PLCE1: variants seen among roughly 807,000 people sequenced by gnomAD.
The protein encoded by PLCE1 is phospholipase C epsilon 1.
Under a neutral mutation model 242.8 loss-of-function variants are expected in PLCE1, and 119 were observed. That is an observed-to-expected ratio of 0.49 (90% CI 0.42 to 0.57). The LOEUF (loss-of-function observed/expected upper bound fraction) is 0.57. Among genes scored for constraint, PLCE1 ranks in the 20% least tolerant of loss-of-function variants. The probability of loss-of-function intolerance (pLI) is 0.00; values close to 1 mark genes in which losing one functional copy is unlikely to be tolerated. For synonymous variants in PLCE1, 945 were observed against 1,017.4 expected, an observed-to-expected ratio of 0.93 and a Z score of 1.35; for missense variants, 2,441 against 2,788.8, an observed-to-expected ratio of 0.88 and a Z score of 2.81.
Position 94,208,739 on chromosome 10 carries a change from A to G in PLCE1, c.1810-18567A>G, listed in dbSNP as rs189139788. On this transcript the variant is annotated intron_variant, in intron 4 of 32. Coordinates refer to ENST00000371380, the MANE Select transcript of PLCE1 (RefSeq NM_016341.4). ...TAGACACTAAACTGTGGAGTCTACAATAGGATATTCTGAAGAAACTCTCCC... is the reference window on the plus strand; with the variant it reads ...TAGACACTAAACTGTGGAGTCTACAGTAGGATATTCTGAAGAAACTCTCCC... Among the ~76,000 whole-genome samples the G allele has an allele frequency of 2.0e-4, 30 of 152,318 alleles. No homozygotes were observed. The East Asian group carries it at 5.6e-3, about 28-fold the overall frequency.
intron 7 of PLCE1, among the ~76,000 whole-genome samples, chr10:94,241,544 C>T (rs1331320052): frequency 6.6e-6 from 1 of 152,180 alleles, no homozygotes; most frequent in Non-Finnish European, 1.5e-5. Flanking sequence ...GTAATCCCAG[C>T]ACTTTGGGAG....
At chr10:94,209,630 T>G (rs952408009) in intron 4 of PLCE1, among the ~76,000 whole-genome samples, 1 of 152,156 alleles carries the variant, frequency 6.6e-6, no homozygotes, top group African/African-American at 2.4e-5. Flanking sequence ...TATGAATGAA[T>G]ATAAGAAATA....
At chr10:94,046,264 C>G (rs1324214557) in intron 2 of PLCE1, among the ~76,000 whole-genome samples, 1 of 152,180 alleles carries the variant, frequency 6.6e-6, no homozygotes, top group Non-Finnish European at 1.5e-5. Context: ...TACAGAGCAG[C>G]CATGGGGTCC....
chr10:94,066,423 C>T (rs552897963), intron 2 of PLCE1, among the ~76,000 whole-genome samples: 1 of 152,196 alleles, frequency 6.6e-6, no homozygotes, highest in Admixed American at 6.5e-5. Flanking sequence ...ACTACAAGAC[C>T]TATAGTCACA....
At chr10:94,295,905 A>G (rs2133488229) in intron 23 of PLCE1, among the ~76,000 whole-genome samples, 1 of 152,298 alleles carries the variant, frequency 6.6e-6, no homozygotes, top group South Asian at 2.1e-4. Flanking sequence ...GGATTTTCAG[A>G]ATGGTCCATG....
intron 4 of PLCE1, among the ~76,000 whole-genome samples, chr10:94,196,432 G>A (rs902190603): frequency 5.3e-5 from 8 of 152,114 alleles, no homozygotes; most frequent in Admixed American, 3.3e-4. Flanking sequence ...GAGAAGCTCC[G>A]AGGGGAAGAG....
intron 27 of PLCE1, among the ~76,000 whole-genome samples, chr10:94,312,358 G>A (rs2133722695): frequency 6.6e-6 from 1 of 152,308 alleles, no homozygotes; most frequent in East Asian, 1.9e-4. Context: ...GAATGGCTGT[G>A]CTTTTGCCTG....
chr10:94,237,079 T>C (rs981069768), intron 7 of PLCE1, among the ~76,000 whole-genome samples: 3 of 152,222 alleles, frequency 2.0e-5, no homozygotes, highest in South Asian at 2.1e-4. Flanking sequence ...TCACAATTCA[T>C]TATAAGTTTC....
chr10:94,246,117 G>A lies in PLCE1; in HGVS notation c.2592G>A (p.Gly864=), dbSNP rs879368807. 6.2e-7 allele frequency: 1 copy of A among 1,614,068 alleles called. No homozygotes were observed. Among genetic ancestry groups the A allele is most frequent in the Non-Finnish European group, 8.5e-7 (1 of 1,180,006 alleles). The change falls in exon 8 of 33, where the codon GGG becomes GGA. Residue 864 remains glycine (G), a synonymous_variant. Transcript: ENST00000371380. The part of the protein sequence containing the change: ...QADVHQFLLQ[G]ATVIHYDQDT... ...ATGTGCACCAGTTCCTGCTGCAGGG[G>A]GCCACGGTCATCCACTACGACCAGG...
chr10:94,244,351 T>G (rs958690216), intron 7 of PLCE1, among the ~76,000 whole-genome samples: 3 of 152,184 alleles, frequency 2.0e-5, no homozygotes, highest in African/African-American at 7.2e-5. Context: ...ACAATTTTAC[T>G]CACCACTTTG....
chr10:94,160,790 G>C (rs2047586298), intron 3 of PLCE1, among the ~76,000 whole-genome samples: 1 of 152,208 alleles, frequency 6.6e-6, no homozygotes, highest in Admixed American at 6.5e-5. Flanking sequence ...CGTATAAGGT[G>C]TAAGGAAGGC....
chr10:94,238,175 C>A (rs906059840), intron 7 of PLCE1, among the ~76,000 whole-genome samples: 1 of 152,184 alleles, frequency 6.6e-6, no homozygotes, highest in Non-Finnish European at 1.5e-5. Context: ...AATCCCAGCC[C>A]TTTGGGAGGC....
intron 22 of PLCE1, among the ~76,000 whole-genome samples, chr10:94,289,569 A>C (rs1205857203): frequency 6.6e-6 from 1 of 152,234 alleles, no homozygotes; most frequent in African/African-American, 2.4e-5. Flanking sequence ...GTTGCTCCTA[A>C]GCTACCAGCC....
At chr10:94,288,359 C>T (rs893074721) in intron 22 of PLCE1, among the ~76,000 whole-genome samples, 1 of 152,160 alleles carries the variant, frequency 6.6e-6, no homozygotes, top group Non-Finnish European at 1.5e-5. Context: ...CAGATAAGAT[C>T]GTGGGTCAGA....
chr10:94,257,567 A>G (rs1034995299), intron 11 of PLCE1, among the ~76,000 whole-genome samples: 33 of 152,318 alleles, frequency 2.2e-4, no homozygotes, highest in African/African-American at 7.2e-4. Context: ...TGACACATAG[A>G]CACCATTGGA....
rs895188035 is a variant in PLCE1 at position 94,181,671 on chromosome 10, A to C, written c.1809+10175A>C. Among the ~76,000 whole-genome samples, 4 of 152,174 alleles carry C rather than the reference A, an allele frequency of 2.6e-5. No individual in the cohort carries two copies. The East Asian group carries it at 7.7e-4, about 29-fold the overall frequency. The stretch of plus-strand genomic sequence containing the variant: ...CTCCTACAATCCTAGTAGTTTAGGC[A>C]TCTGAGGCAGGAGGGTTGCTTGAGT... On this transcript the variant is annotated intron_variant, in intron 4 of 32. Transcript: ENST00000371380.
chr10:94,244,868 T>C (rs1269635477), intron 7 of PLCE1, among the ~76,000 whole-genome samples: 1 of 152,120 alleles, frequency 6.6e-6, no homozygotes, highest in Non-Finnish European at 1.5e-5. Flanking sequence ...ACTCAGCTAA[T>C]GTTTGTATTT....
At chr10:94,017,575 A>C (rs1230118726) in intron 1 of PLCE1, among the ~76,000 whole-genome samples, 1 of 152,220 alleles carries the variant, frequency 6.6e-6, no homozygotes, top group Non-Finnish European at 1.5e-5. Context: ...AATAGTTTTT[A>C]AACTTGTTAA....
chr10:94,325,176 T>C (rs1564900156), intron 32 of PLCE1, 72 bp downstream of exon 32: 2 of 1,075,888 alleles, frequency 1.9e-6, no homozygotes, highest in Non-Finnish European at 2.9e-6. Flanking sequence ...GCATAATTAG[T>C]ACAATGTCTT....
Sources: gnomAD v4.1 joint callset for allele counts (sites outside exome capture counted in the v4.1 genomes callset) on GRCh38, gnomAD v4.1.1 for gene constraint, MANE v1.5 for transcripts, NCBI Gene and HGNC (gene_info 2026-07-23, HGNC 2026-07-21) for gene names.